Variants in OXR1 observed in about 807,000 individuals in gnomAD.
OXR1 encodes the protein oxidation resistance 1, also known as oxidation resistance protein 1.
Under a neutral mutation model 104.6 loss-of-function variants are expected in OXR1, and 41 were observed. That is an observed-to-expected ratio of 0.39 (90% CI 0.31 to 0.51). The LOEUF (loss-of-function observed/expected upper bound fraction) is 0.51. OXR1 is among the 20% of genes least tolerant of loss of function. The pLI is 0.77. For synonymous variants in OXR1, 348 were observed against 348.4 expected, an observed-to-expected ratio of 1.00 and a Z score of 0.01; for missense variants, 955 against 1,031.9, an observed-to-expected ratio of 0.93 and a Z score of 1.02.
chr8:106,384,251 T>G (rs1016215413), intron 2 of OXR1, among the ~76,000 whole-genome samples: 1 of 152,230 alleles, frequency 6.6e-6, no homozygotes, highest in Non-Finnish European at 1.5e-5. Context: ...AATGTTTACT[T>G]CATTATCTCA....
At chr8:106,548,984 C>T (rs963546183) in intron 3 of OXR1, among the ~76,000 whole-genome samples, 1 of 152,006 alleles carries the variant, frequency 6.6e-6, no homozygotes, top group Admixed American at 6.6e-5. Flanking sequence ...AAATAACTTC[C>T]GCACATCCAT....
chr8:106,498,209 A>G (rs1470028616), intron 2 of OXR1, among the ~76,000 whole-genome samples: 6 of 152,086 alleles, frequency 3.9e-5, no homozygotes, highest in East Asian at 1.9e-4. Context: ...AAGTGGTACA[A>G]TTGCATGAAC....
chr8:106,554,007 A>AT (rs975570377), intron 3 of OXR1, among the ~76,000 whole-genome samples: 1 of 151,984 alleles, frequency 6.6e-6, no homozygotes, highest in African/African-American at 2.4e-5. Flanking sequence ...TTATCCTGGA[A>AT]TTTTTTTTCT....
intron 2 of OXR1, among the ~76,000 whole-genome samples, chr8:106,482,429 A>AG (rs397695440): frequency 6.7e-6 from 1 of 149,764 alleles, no homozygotes; most frequent in Non-Finnish European, 1.5e-5. Flanking sequence ...AAAAAAAAAA[A>AG]GGCTCAAATC....
At chr8:106,372,257 G>A (rs1391093831) in intron 2 of OXR1, among the ~76,000 whole-genome samples, 2 of 152,086 alleles carry the variant, frequency 1.3e-5, no homozygotes, top group African/African-American at 4.8e-5. Flanking sequence ...GCTGGGGGGA[G>A]GGGGTTCCCC....
At chr8:106,666,012 A>G (rs1025491053) in intron 3 of OXR1, among the ~76,000 whole-genome samples, 11 of 152,174 alleles carry the variant, frequency 7.2e-5, no homozygotes, top group African/African-American at 2.4e-4. Context: ...GCTTATTTTT[A>G]TGGTAAGTAC....
chr8:106,526,578 T>G (rs1813680733), intron 3 of OXR1, among the ~76,000 whole-genome samples: 1 of 152,250 alleles, frequency 6.6e-6, no homozygotes, highest in South Asian at 2.1e-4. Context: ...AGTCTCGCTC[T>G]GTCGCCCAGG....
At chr8:106,410,869 A>T (rs73307121) in intron 2 of OXR1, among the ~76,000 whole-genome samples, 7,116 of 152,194 alleles carry the variant, frequency 0.047, 551 homozygotes, top group African/African-American at 0.16. Flanking sequence ...TGTTGCATCT[A>T]TGGTTTTATA....
At chr8:106,385,444 A>G (rs1817335291) in intron 2 of OXR1, among the ~76,000 whole-genome samples, 1 of 152,232 alleles carries the variant, frequency 6.6e-6, no homozygotes, top group Non-Finnish European at 1.5e-5. Context: ...AAATTTTTTA[A>G]AAGTCACCAT....
chr8:106,670,122 G>A (rs1402527159), intron 3 of OXR1, among the ~76,000 whole-genome samples: 1 of 152,150 alleles, frequency 6.6e-6, no homozygotes, highest in Non-Finnish European at 1.5e-5. Context: ...GGGTATAATG[G>A]AACCGGGCCA....
intron 2 of OXR1, among the ~76,000 whole-genome samples, chr8:106,402,443 A>T (rs1818038404): frequency 6.6e-6 from 1 of 152,126 alleles, no homozygotes; most frequent in Non-Finnish European, 1.5e-5. Flanking sequence ...GAGTATATTT[A>T]TTTCAGTTAT....
intron 3 of OXR1, among the ~76,000 whole-genome samples, chr8:106,541,238 A>G (rs1814929352): frequency 6.6e-6 from 1 of 152,234 alleles, no homozygotes; most frequent in Admixed American, 6.5e-5. Flanking sequence ...ATGTTTTAAA[A>G]CATTTAGTAG....
chr8:106,334,977 TC>T, intron 1 of OXR1, among the ~76,000 whole-genome samples: 1 of 152,036 alleles, frequency 6.6e-6, no homozygotes, highest in East Asian at 1.9e-4. Flanking sequence ...TCCTATTACC[TC>T]CCCTGCTTCT....
intron 15 of OXR1, 53 bp from the exon 16 acceptor site, chr8:106,745,732 ACTCT>A: frequency 1.2e-6 from 1 of 835,694 alleles, no homozygotes; most frequent in Non-Finnish European, 1.9e-6. Flanking sequence ...TGGAGAACTA[ACTCT>A]CTATAATAAC....
chr8:106,432,545 A>G (rs1054885801), intron 2 of OXR1, among the ~76,000 whole-genome samples: 1 of 152,262 alleles, frequency 6.6e-6, no homozygotes, highest in East Asian at 1.9e-4. Context: ...TGAGTTGCTT[A>G]CAACCTGCAT....
At chr8:106,405,180 ATATATATATATATATATATATAGTGTGT>A (rs1818178462) in intron 2 of OXR1, among the ~76,000 whole-genome samples, 2 of 24,604 alleles carry the variant, frequency 8.1e-5, no homozygotes, top group Non-Finnish European at 1.3e-4. Context: ...ATATATATAT[ATATATATATATATATATATATAGTGTGT>A]GTGTGTGTGT....
At chr8:106,444,100 A>G (rs1819906006) in intron 2 of OXR1, among the ~76,000 whole-genome samples, 1 of 152,204 alleles carries the variant, frequency 6.6e-6, no homozygotes, top group Non-Finnish European at 1.5e-5. Context: ...AAAGCTCAAT[A>G]TGACTGATCA....
At chr8:106,700,732 C>T (rs1430852378) in intron 7 of OXR1, among the ~76,000 whole-genome samples, 1 of 152,148 alleles carries the variant, frequency 6.6e-6, no homozygotes, top group Admixed American at 6.5e-5. Context: ...AGCTAGTTAT[C>T]ACTGTCTTTG....
At chr8:106,743,793 T>C (rs1563767493) in intron 15 of OXR1, among the ~76,000 whole-genome samples, 1 of 152,298 alleles carries the variant, frequency 6.6e-6, no homozygotes, top group East Asian at 1.9e-4. Context: ...TAAAGATACA[T>C]GCACACAAAT....
Sources: allele counts gnomAD v4.1 joint callset (sites outside exome capture counted in the v4.1 genomes callset), GRCh38; gene constraint gnomAD v4.1.1; transcripts MANE v1.5; gene names NCBI Gene and HGNC (gene_info 2026-07-23, HGNC 2026-07-21).